GTF2A1: variants seen among roughly 807,000 people sequenced by gnomAD.
The protein encoded by GTF2A1 is general transcription factor IIA subunit 1, also known as transcription initiation factor IIA subunit 1.
In GTF2A1, 12 loss-of-function variants were observed where a neutral mutation model predicts 54.1. The ratio of observed to expected loss-of-function variants is 0.22; its 90% CI spans 0.14 to 0.36. GTF2A1 has a LOEUF of 0.36. GTF2A1 is among the 10% of genes least tolerant of loss of function. GTF2A1 has a pLI of 1.00. For missense variants in GTF2A1, 335 were observed against 442.2 expected, an observed-to-expected ratio of 0.76 and a Z score of 2.17; for synonymous variants, 145 against 152.0, an observed-to-expected ratio of 0.95 and a Z score of 0.34.
At chr14:81,188,526 C>T (rs940565770) in intron 7 of GTF2A1, among the ~76,000 whole-genome samples, 1 of 152,118 alleles carries the variant, frequency 6.6e-6, no homozygotes, top group African/African-American at 2.4e-5. Context: ...AATCCCAGTA[C>T]TTTGCGAGGC....
intron 3 of GTF2A1, 96 bp downstream of exon 3, chr14:81,203,803 TA>T (rs994298211): frequency 9.1e-7 from 1 of 1,093,670 alleles, no homozygotes; most frequent in African/African-American, 1.5e-5. Flanking sequence ...ATGTGCCCCT[TA>T]AAAGACAAGA....
At chr14:81,201,728 C>T in intron 3 of GTF2A1, 70 bp from the exon 4 acceptor site, 1 of 1,008,882 alleles carries the variant, frequency 9.9e-7, no homozygotes. Context: ...GAACACTTTA[C>T]ATACAATGAT....
rs1482400656 is a variant in GTF2A1, at chr14:81,209,427, C to T, written c.133-5323G>A. On this transcript the variant is annotated intron_variant, in intron 2 of 8. Transcript: ENST00000553612. The stretch of plus-strand genomic sequence containing the variant: ...TTTTTTTGTTTCCAGTTTCGGGTTA[C>T]GTCTTTATCAGCAGTATGTATACGT... 2.6e-5 allele frequency among the ~76,000 whole-genome samples: 4 copies of T among 152,102 alleles called. No homozygotes were observed. The South Asian group carries it at 8.3e-4, about 32-fold the overall frequency.
chr14:81,180,681 G>A (rs921658510), intron 8 of GTF2A1, among the ~76,000 whole-genome samples: 5 of 152,072 alleles, frequency 3.3e-5, no homozygotes, highest in Admixed American at 1.3e-4. Context: ...CTCACTAGGT[G>A]GGTCTAAAAA....
intron 7 of GTF2A1, among the ~76,000 whole-genome samples, chr14:81,187,173 T>G (rs914230026): frequency 6.6e-6 from 1 of 151,838 alleles, no homozygotes; most frequent in African/African-American, 2.4e-5. Flanking sequence ...GCTAACACGG[T>G]GAAACCCCGT....
intron 7 of GTF2A1, among the ~76,000 whole-genome samples, chr14:81,191,951 G>C (rs1892884823): frequency 6.6e-6 from 1 of 152,178 alleles, no homozygotes; most frequent in South Asian, 2.1e-4. Context: ...GGGACAAATA[G>C]TTTTTGGAGC....
intron 4 of GTF2A1, among the ~76,000 whole-genome samples, chr14:81,200,320 T>G (rs1893076980): frequency 6.6e-6 from 1 of 152,034 alleles, no homozygotes; most frequent in Admixed American, 6.6e-5. Flanking sequence ...TACACTGCTT[T>G]TTGGTTTAAA....
chr14:81,201,035 AGG>A (rs1893098058), intron 4 of GTF2A1, among the ~76,000 whole-genome samples: 1 of 152,176 alleles, frequency 6.6e-6, no homozygotes, highest in Non-Finnish European at 1.5e-5. Context: ...AATATGAGTG[AGG>A]ACTTGTAAAG....
chr14:81,192,245 T>C (rs1388378697), intron 7 of GTF2A1, among the ~76,000 whole-genome samples: 1 of 152,226 alleles, frequency 6.6e-6, no homozygotes, highest in Non-Finnish European at 1.5e-5. Flanking sequence ...AGAGTTAGAA[T>C]TACCTGTACT....
At chr14:81,219,301 C>G (rs931054102) in intron 1 of GTF2A1, among the ~76,000 whole-genome samples, 1 of 152,188 alleles carries the variant, frequency 6.6e-6, no homozygotes, top group African/African-American at 2.4e-5. Context: ...AAACTGAGCT[C>G]TGCACACGCC....
At chr14:81,182,765 C>A (rs1020712168) in intron 8 of GTF2A1, among the ~76,000 whole-genome samples, 3 of 152,168 alleles carry the variant, frequency 2.0e-5, no homozygotes, top group Admixed American at 2.0e-4. Flanking sequence ...AGAGTAAGAG[C>A]CATGTCCTTA....
chr14:81,180,554 CT>C (rs1345576434), intron 8 of GTF2A1, among the ~76,000 whole-genome samples: 5 of 152,210 alleles, frequency 3.3e-5, no homozygotes, highest in South Asian at 2.1e-4. Context: ...CTATCTCAGC[CT>C]CCCAAAGTGT....
rs1276323126 is a variant in GTF2A1, at chr14:81,175,826, A to C, written c.*4397T>G. On this transcript the variant is annotated 3_prime_UTR_variant, in exon 9 of 9. Coordinates refer to ENST00000553612, the MANE Select transcript of GTF2A1 (RefSeq NM_015859.4). The stretch of plus-strand genomic sequence containing the variant: ...TAATTATTAATATTTCACAAGGAGT[A>C]ATCTTTATTTTGAAAAACAATGTTA... 6.6e-6 allele frequency: 1 copy of C among 152,192 alleles called. No homozygotes were observed. The highest frequency in any genetic ancestry group is 1.9e-4 in the East Asian group (1 of 5,208). The allele number at this position is 152,192 out of a possible 1,614,324, so 9.4% of individuals were successfully genotyped here. A position where few individuals can be genotyped will look rare whatever the true frequency, so the allele number is the denominator to read the frequency against.
At chr14:81,220,450 T>G (rs1357865398) in intron 1 of GTF2A1, 39 bp downstream of exon 1, 1 of 1,499,056 alleles carries the variant, frequency 6.7e-7, no homozygotes. Flanking sequence ...TGCTGCAGCC[T>G]GAACGAAGCC....
At chr14:81,218,793 T>G (rs1032414429) in intron 1 of GTF2A1, among the ~76,000 whole-genome samples, 1 of 150,792 alleles carries the variant, frequency 6.6e-6, no homozygotes, top group African/African-American at 2.4e-5. Flanking sequence ...AAGTTCTACT[T>G]AGATTTTTTT....
chr14:81,208,689 C>G (rs1389221946), intron 2 of GTF2A1, among the ~76,000 whole-genome samples: 1 of 152,186 alleles, frequency 6.6e-6, no homozygotes, highest in Admixed American at 6.5e-5. Context: ...AAGACTGTAC[C>G]CTGCAAAGCC....
At chr14:81,182,506 T>C (rs1892660732) in intron 8 of GTF2A1, among the ~76,000 whole-genome samples, 1 of 152,166 alleles carries the variant, frequency 6.6e-6, no homozygotes, top group Non-Finnish European at 1.5e-5. Flanking sequence ...CTGTTAACAT[T>C]CTTCCTTCAA....
intron 1 of GTF2A1, among the ~76,000 whole-genome samples, chr14:81,220,020 T>C (rs1021710537): frequency 1.3e-5 from 2 of 151,114 alleles, no homozygotes; most frequent in African/African-American, 2.4e-5. Context: ...CCATTAATCT[T>C]CCACTGCATT....
rs1892569139 is a variant in GTF2A1, at chr14:81,178,297, C to T, written c.*1926G>A. On this transcript the variant is annotated 3_prime_UTR_variant, in exon 9 of 9. Transcript: ENST00000553612. ...TCCTTACTGAGTAAATACAAACCTA[C>T]TAGCAACTATATTGAAGAACAGTTG... The T allele has an allele frequency of 6.6e-6, 1 of 152,102 alleles. No individual in the cohort carries two copies. Among genetic ancestry groups the T allele is most frequent in the Non-Finnish European group, 1.5e-5 (1 of 67,998 alleles). 9.4% of individuals were successfully genotyped at this position (152,102 alleles called of 1,614,324 possible).
Sources: gnomAD v4.1 joint callset for allele counts (sites outside exome capture counted in the v4.1 genomes callset) on GRCh38, gnomAD v4.1.1 for gene constraint, MANE v1.5 for transcripts, NCBI Gene and HGNC (gene_info 2026-07-23, HGNC 2026-07-21) for gene names.